Variants in SELENOT observed in about 807,000 individuals in gnomAD.
SELENOT encodes selenoprotein T.
Under a neutral mutation model 24.3 loss-of-function variants are expected in SELENOT, and 9 were observed. The ratio of observed to expected loss-of-function variants is 0.37; its 90% CI spans 0.22 to 0.65. The LOEUF (loss-of-function observed/expected upper bound fraction) is 0.65. Ranked by LOEUF, SELENOT falls within the 30% of genes least tolerant of loss-of-function variation. The pLI is 0.60. For synonymous variants in SELENOT, 81 were observed against 86.0 expected (o/e 0.94, Z 0.32); for missense variants, 166 against 247.6 (o/e 0.67, Z 2.21).
intron 1 of SELENOT, among the ~76,000 whole-genome samples, chr3:150,604,861 C>T (rs970251051): frequency 2.6e-5 from 4 of 151,954 alleles, no homozygotes; most frequent in Non-Finnish European, 4.4e-5. Context: ...CATGGAGAAA[C>T]CCCCATCTCT....
chr3:150,611,731 G>C (rs2108007159), intron 1 of SELENOT: 1 of 1,526,402 alleles, frequency 6.6e-7, no homozygotes, highest in Admixed American at 1.7e-5. Flanking sequence ...GTTGCCAGGA[G>C]CCCGGCCTGG....
At chr3:150,618,118 A>G (rs1726260114) in intron 1 of SELENOT, among the ~76,000 whole-genome samples, 1 of 152,168 alleles carries the variant, frequency 6.6e-6, no homozygotes. Context: ...CAGCCTCCCA[A>G]AGTGCTAGGA....
At chr3:150,607,541 A>C (rs1725992980) in intron 1 of SELENOT, among the ~76,000 whole-genome samples, 1 of 152,248 alleles carries the variant, frequency 6.6e-6, no homozygotes, top group African/African-American at 2.4e-5. Context: ...GCAAGAGCAG[A>C]TGCAGACATT....
At chr3:150,626,565 A>G (rs914052258) in intron 4 of SELENOT, among the ~76,000 whole-genome samples, 11 of 151,968 alleles carry the variant, frequency 7.2e-5, no homozygotes, top group Middle Eastern at 3.2e-3. Context: ...CTCCTCTTCT[A>G]TATTTCCCTC....
intron 1 of SELENOT, 116 bp downstream of exon 1, chr3:150,603,615 C>G: frequency 8.0e-7 from 1 of 1,246,688 alleles, no homozygotes; most frequent in Non-Finnish European, 1.1e-6. Flanking sequence ...CCTCGTAGAA[C>G]TGTGCCGGCG....
At chr3:150,623,891 T>A (rs1345227889) in intron 3 of SELENOT, among the ~76,000 whole-genome samples, 1 of 152,108 alleles carries the variant, frequency 6.6e-6, no homozygotes, top group Non-Finnish European at 1.5e-5. Context: ...TTTCTAGGCT[T>A]CCTTTTATGA....
intron 1 of SELENOT, among the ~76,000 whole-genome samples, chr3:150,604,003 C>A (rs939261518): frequency 6.6e-6 from 1 of 152,204 alleles, no homozygotes; most frequent in African/African-American, 2.4e-5. Context: ...TGACAGACGC[C>A]GTTTTTCTCC....
intron 4 of SELENOT, chr3:150,626,768 T>A (rs1239569810): frequency 2.3e-6 from 1 of 437,068 alleles, no homozygotes; most frequent in African/African-American, 2.0e-5. Context: ...TATATGTCCC[T>A]CCTAGTACAG....
intron 4 of SELENOT, among the ~76,000 whole-genome samples, chr3:150,626,481 G>A (rs1726447677): frequency 6.6e-6 from 1 of 152,144 alleles, no homozygotes; most frequent in South Asian, 2.1e-4. Flanking sequence ...AGCCCAAAAT[G>A]TTTACTTTCT....
chr3:150,615,754 C>T (rs920978078), intron 1 of SELENOT, among the ~76,000 whole-genome samples: 20 of 152,216 alleles, frequency 1.3e-4, no homozygotes, highest in African/African-American at 2.6e-4. Context: ...GAATAAATAT[C>T]GTGAAAATGG....
chr3:150,614,823 G>T (rs1169207138), intron 1 of SELENOT, among the ~76,000 whole-genome samples: 1 of 151,468 alleles, frequency 6.6e-6, no homozygotes, highest in East Asian at 1.9e-4. Flanking sequence ...TGTTAAAATT[G>T]ATTCTATAAT....
rs1355043140 is a variant in SELENOT, at chr3:150,630,347, AAG to A, written c.*2722_*2723del. Reference sequence around the variant, plus strand: ...TATTCTAAAGCCTTTTTTTTAAAAAAAGAGATCTTTTTGAGAGAAACAAATGA... The same window carrying A: ...TATTCTAAAGCCTTTTTTTTAAAAAAAGATCTTTTTGAGAGAAACAAATGA... On this transcript the variant is annotated 3_prime_UTR_variant, in exon 6 of 6. Transcript: ENST00000471696. The A allele has an allele frequency of 8.5e-5, 13 of 152,186 alleles. No homozygotes were observed. The highest frequency in any genetic ancestry group is 2.0e-4 in the Admixed American group (3 of 15,284). 9.4% of individuals were successfully genotyped at this position (152,186 alleles called of 1,614,324 possible). A position where few individuals can be genotyped will look rare whatever the true frequency, so the allele number is the denominator to read the frequency against.
At chr3:150,608,319 A>G (rs1054060957) in intron 1 of SELENOT, among the ~76,000 whole-genome samples, 1 of 152,258 alleles carries the variant, frequency 6.6e-6, no homozygotes, top group Admixed American at 6.5e-5. Context: ...ACTTTATTAC[A>G]TCAAACCTAA....
At chr3:150,604,537 CCTT>C (rs1162828028) in intron 1 of SELENOT, among the ~76,000 whole-genome samples, 8 of 152,170 alleles carry the variant, frequency 5.3e-5, no homozygotes, top group Non-Finnish European at 1.2e-4. Flanking sequence ...TCATTTAAAA[CCTT>C]CTTTTAAGAA....
At chr3:150,624,710 G>A (rs1576534851) in intron 3 of SELENOT, 102 bp from the exon 4 acceptor site, 1 of 634,228 alleles carries the variant, frequency 1.6e-6, no homozygotes, top group Non-Finnish European at 2.6e-6. Flanking sequence ...CTGAACATAT[G>A]GAATAGCAGT....
At chr3:150,611,623 T>C in intron 1 of SELENOT, 1 of 1,544,846 alleles carries the variant, frequency 6.5e-7, no homozygotes. Context: ...TCCAGCTCGA[T>C]CTTCACCTTC....
intron 1 of SELENOT, among the ~76,000 whole-genome samples, chr3:150,619,882 C>T (rs1726301630): frequency 6.6e-6 from 1 of 152,110 alleles, no homozygotes; most frequent in South Asian, 2.1e-4. Context: ...AAAAGGGTTC[C>T]TTGGTTTTCA....
chr3:150,616,047 A>G (rs924496969), intron 1 of SELENOT, among the ~76,000 whole-genome samples: 1 of 152,002 alleles, frequency 6.6e-6, no homozygotes, highest in Non-Finnish European at 1.5e-5. Flanking sequence ...ATGATGCCGC[A>G]TATCTACAAC....
intron 1 of SELENOT, among the ~76,000 whole-genome samples, chr3:150,617,372 G>A (rs898392517): frequency 2.6e-5 from 4 of 152,120 alleles, no homozygotes; most frequent in African/African-American, 9.7e-5. Context: ...AGGCCGAAGC[G>A]GGAGGATCAC....
Sources: gnomAD v4.1 joint callset for allele counts (sites outside exome capture counted in the v4.1 genomes callset) on GRCh38, gnomAD v4.1.1 for gene constraint, MANE v1.5 for transcripts, NCBI Gene and HGNC (gene_info 2026-07-23, HGNC 2026-07-21) for gene names.